The following AVEN variants were observed in gnomAD, a reference collection of about 807,000 sequenced individuals.
The protein encoded by AVEN is apoptosis and caspase activation inhibitor, also known as cell death regulator Aven.
AVEN carries 41 observed loss-of-function variants against 38.1 expected under a neutral mutation model. The observed-to-expected ratio is 1.08, with a 90% CI of 0.84 to 1.40. The LOEUF is 1.40. AVEN is among the 40% of genes most tolerant of loss of function. The pLI is 0.00. For synonymous variants in AVEN, 206 were observed against 171.8 expected (o/e 1.20, Z -1.56); for missense variants, 605 against 438.8 (o/e 1.38, Z -3.38).
chr15:33,910,876 C>T (rs1294958111), intron 2 of AVEN, among the ~76,000 whole-genome samples: 1 of 152,176 alleles, frequency 6.6e-6, no homozygotes, highest in East Asian at 1.9e-4. Flanking sequence ...ACTCAACTCT[C>T]CATTCATCCA....
In AVEN at chr15:33,981,171, T is replaced by C. The variant is rs1046256843; in HGVS notation, c.445+21861A>G. ...CTGAATTAAGAAATCCAAAAGGTAA[T>C]GTGAAAAATATTAACAGCGATGCCT... On this transcript the variant is annotated intron_variant, in intron 2 of 5. Coordinates refer to ENST00000306730, the MANE Select transcript of AVEN (RefSeq NM_020371.3). Among the ~76,000 whole-genome samples, 3 of 152,324 alleles carry C rather than the reference T, an allele frequency of 2.0e-5. 1 individual carries two copies. Among genetic ancestry groups the C allele is most frequent in the South Asian group, 2.1e-4 (1 of 4,828 alleles).
intron 2 of AVEN, among the ~76,000 whole-genome samples, chr15:33,904,038 A>T (rs1289837303): frequency 6.6e-6 from 1 of 152,230 alleles, no homozygotes; most frequent in Admixed American, 6.5e-5. Flanking sequence ...ATGGTATTAA[A>T]ATTTTATGGG....
At chr15:33,975,697 C>T (rs947490155) in intron 2 of AVEN, among the ~76,000 whole-genome samples, 7 of 151,980 alleles carry the variant, frequency 4.6e-5, no homozygotes, top group Non-Finnish European at 8.8e-5. Flanking sequence ...TTTGGGAGGC[C>T]GAGGCAGGTG....
intron 2 of AVEN, among the ~76,000 whole-genome samples, chr15:33,970,790 A>C (rs1460546465): frequency 1.3e-5 from 2 of 151,952 alleles, no homozygotes; most frequent in East Asian, 3.8e-4. Flanking sequence ...TTATTTACTC[A>C]TTGTAATGTA....
At chr15:33,931,088 T>A (rs1395071307) in intron 2 of AVEN, among the ~76,000 whole-genome samples, 1 of 152,102 alleles carries the variant, frequency 6.6e-6, no homozygotes, top group Non-Finnish European at 1.5e-5. Flanking sequence ...TAGACGTTAG[T>A]ACTTTTCTTT....
chr15:33,956,111 G>T (rs1447558885), intron 2 of AVEN, among the ~76,000 whole-genome samples: 3 of 152,160 alleles, frequency 2.0e-5, no homozygotes, highest in Admixed American at 2.0e-4. Flanking sequence ...TGCCTCCGCG[G>T]TGACCAGCAT....
chr15:33,995,863 G>A (rs1896910309), intron 2 of AVEN, among the ~76,000 whole-genome samples: 1 of 152,240 alleles, frequency 6.6e-6, no homozygotes, highest in Non-Finnish European at 1.5e-5. Flanking sequence ...AGGGCGAGCT[G>A]AAGCGGGGCG....
intron 3 of AVEN, 59 bp from the exon 4 acceptor site, chr15:33,871,089 TAAA>T (rs1890928138): frequency 8.9e-7 from 1 of 1,126,816 alleles, no homozygotes; most frequent in Non-Finnish European, 1.2e-6. Context: ...CTTTTGGAAA[TAAA>T]AGAAGAAACT....
At chr15:33,950,725 G>A (rs1894707790) in intron 2 of AVEN, among the ~76,000 whole-genome samples, 1 of 152,180 alleles carries the variant, frequency 6.6e-6, no homozygotes, top group Admixed American at 6.5e-5. Flanking sequence ...GTAACTTCTG[G>A]CTGGGTTCAG....
At chr15:34,067,827 A>G (rs868732010) in intron 2 of AVEN, among the ~76,000 whole-genome samples, 2 of 152,278 alleles carry the variant, frequency 1.3e-5, no homozygotes, top group Middle Eastern at 6.8e-3. Flanking sequence ...GCCCCACTCC[A>G]TTCCCATTGT....
chr15:33,857,559 T>G (rs1230509526), downstream of AVEN, among the ~76,000 whole-genome samples: 1 of 152,070 alleles, frequency 6.6e-6, no homozygotes, highest in African/African-American at 2.4e-5. Flanking sequence ...CACCCCATCA[T>G]TACTCTTTTC....
chr15:34,072,899 T>C (rs1032602767), intron 1 of AVEN, among the ~76,000 whole-genome samples: 1 of 152,044 alleles, frequency 6.6e-6, no homozygotes, highest in Non-Finnish European at 1.5e-5. Context: ...TCCGCCTGCC[T>C]TGGCCTCCCA....
intron 1 of AVEN, among the ~76,000 whole-genome samples, chr15:34,034,028 G>A (rs913354615): frequency 7.2e-5 from 11 of 152,162 alleles, no homozygotes; most frequent in South Asian, 2.1e-4. Flanking sequence ...CTTGTGATCT[G>A]CCCACCTCAG....
intron 2 of AVEN, chr15:33,991,338 C>G (rs1289523516): frequency 6.6e-6 from 1 of 151,974 alleles, no homozygotes. Flanking sequence ...AAATTCAGAG[C>G]TAAGCAAGAG....
chr15:33,875,574 A>C lies in AVEN; in HGVS notation c.516+351T>G, dbSNP rs139044162. Reference sequence around the variant, plus strand: ...CCTAACACCAAAAACAGTGAGAGACAGAAAACTAATTTTCAACTCTCAAGG... The same window carrying C: ...CCTAACACCAAAAACAGTGAGAGACCGAAAACTAATTTTCAACTCTCAAGG... On this transcript the variant is annotated intron_variant, in intron 3 of 5. Transcript: ENST00000306730. 1.9e-3 allele frequency among the ~76,000 whole-genome samples: 288 copies of C among 152,366 alleles called. 1 individual carries two copies. The highest frequency in any genetic ancestry group is 3.2e-3 in the Non-Finnish European group (220 of 68,042).
chr15:33,968,099 TAAAAAAAAAAAAAA>T (rs71119906), intron 2 of AVEN, among the ~76,000 whole-genome samples: 2 of 25,852 alleles, frequency 7.7e-5, no homozygotes, highest in South Asian at 7.8e-3. Context: ...TAGCAAAGCT[TAAAAAAAAAAAAAA>T]AAAAAAAAAA....
At position 33,909,885 on chromosome 15, in the gene AVEN, T is replaced by C. The variant is rs113366336; in HGVS notation, c.446-33890A>G. Among the ~76,000 whole-genome samples, 650 of 151,792 alleles carry C rather than the reference T, an allele frequency of 4.3e-3. 6 individuals are homozygous for C. The highest frequency in any genetic ancestry group is 0.015 in the African/African-American group (626 of 41,156). On this transcript the variant is annotated intron_variant, in intron 2 of 5. Coordinates refer to ENST00000306730, the MANE Select transcript of AVEN (RefSeq NM_020371.3). ...GGCTCATGTCTGTAATCCCAACACT[T>C]TGGGAGGCCGAGGCGGGTGGATCAC...
At chr15:33,967,368 G>C (rs1395102634) in intron 2 of AVEN, among the ~76,000 whole-genome samples, 1 of 152,060 alleles carries the variant, frequency 6.6e-6, no homozygotes, top group Non-Finnish European at 1.5e-5. Context: ...TGACTCCAGA[G>C]GATTATAGCC....
chr15:33,931,616 C>T (rs376174306), intron 2 of AVEN, among the ~76,000 whole-genome samples: 218 of 152,072 alleles, frequency 1.4e-3, no homozygotes, highest in African/African-American at 5.0e-3. Context: ...GTGATCTGCC[C>T]GCCTCGGCCT....
Sources: gnomAD v4.1 joint callset for allele counts (sites outside exome capture counted in the v4.1 genomes callset) on GRCh38, gnomAD v4.1.1 for gene constraint, MANE v1.5 for transcripts, NCBI Gene and HGNC (gene_info 2026-07-23, HGNC 2026-07-21) for gene names.